The following ATOX1 variants were observed in gnomAD, a reference collection of about 807,000 sequenced individuals.
ATOX1 encodes the protein copper transport protein ATOX1.
A neutral mutation model predicts 7.3 loss-of-function variants in ATOX1; 4 were observed. The ratio of observed to expected loss-of-function variants is 0.55; its 90% CI spans 0.27 to 1.25. The LOEUF (loss-of-function observed/expected upper bound fraction) is 1.25. Ranked by LOEUF, ATOX1 falls within the 50% of genes most tolerant of loss-of-function variation. ATOX1 has a pLI of 0.12. For missense variants in ATOX1, 68 were observed against 81.6 expected (o/e 0.83, Z 0.64); for synonymous variants, 25 against 28.7 (o/e 0.87, Z 0.41).
chr5:151,751,054 C>T (rs1255077219), intron 2 of ATOX1, among the ~76,000 whole-genome samples: 1 of 151,776 alleles, frequency 6.6e-6, no homozygotes, highest in African/African-American at 2.4e-5. Context: ...GTCAGGGGTT[C>T]GAGACCAGCC....
chr5:151,746,930 T>C (rs780637362), intron 2 of ATOX1, among the ~76,000 whole-genome samples: 1 of 152,072 alleles, frequency 6.6e-6, no homozygotes, highest in Non-Finnish European at 1.5e-5. Context: ...GACAGGGTTT[T>C]GTCATGTTGC....
At chr5:151,746,252 T>C in intron 3 of ATOX1, 27 bp downstream of exon 3, 1 of 1,587,328 alleles carries the variant, frequency 6.3e-7, no homozygotes, top group Non-Finnish European at 8.6e-7. Context: ...TGTAGGTTTG[T>C]TCAGCAAGTG....
At chr5:151,750,031 T>C (rs1221651140) in intron 2 of ATOX1, among the ~76,000 whole-genome samples, 1 of 152,170 alleles carries the variant, frequency 6.6e-6, no homozygotes, top group East Asian at 1.9e-4. Flanking sequence ...TTATTTAGGG[T>C]TTTAAAAAAG....
chr5:151,758,523 G>A (rs1182788247), intron 1 of ATOX1, 23 bp downstream of exon 1: 1 of 1,474,276 alleles, frequency 6.8e-7, no homozygotes, highest in South Asian at 1.3e-5. Context: ...AGTCTGCGTG[G>A]CGGGGACGGC....
intron 2 of ATOX1, among the ~76,000 whole-genome samples, chr5:151,749,359 C>A (rs6887874): frequency 4.9e-4 from 74 of 152,110 alleles, no homozygotes; most frequent in African/African-American, 1.8e-3. Context: ...GTGGCCTGAG[C>A]CTGTAATCCC....
rs1396648711 is a variant in ATOX1 at position 151,746,237 on chromosome 5, T to A, written c.*46+42A>T. ...AAGGTGTTCGCTCTGATGAGAGGTG[T>A]GAGCTGTAGGTTTGTTCAGCAAGTG... On this transcript the variant is annotated intron_variant, in intron 3 of 3. Transcript: ENST00000313115. The A allele has an allele frequency of 3.2e-6, 5 of 1,551,616 alleles. No individual in the cohort carries two copies. In the African/African-American group the frequency reaches 5.4e-5, roughly 17 times the overall value.
intron 1 of ATOX1, among the ~76,000 whole-genome samples, chr5:151,755,910 G>C (rs1376869953): frequency 6.8e-6 from 1 of 147,994 alleles, no homozygotes; most frequent in Non-Finnish European, 1.5e-5. Flanking sequence ...TTTAAAGTAG[G>C]TTTTTAAAGT....
At chr5:151,757,869 C>T (rs909365453) in intron 1 of ATOX1, among the ~76,000 whole-genome samples, 1 of 152,166 alleles carries the variant, frequency 6.6e-6, no homozygotes, top group Non-Finnish European at 1.5e-5. Flanking sequence ...AACGAGGCCA[C>T]GAGCAACAAT....
intron 2 of ATOX1, among the ~76,000 whole-genome samples, chr5:151,750,980 C>T (rs1184760564): frequency 1.3e-5 from 2 of 151,904 alleles, no homozygotes; most frequent in African/African-American, 4.8e-5. Flanking sequence ...ATAGAGGCTG[C>T]GTAGGGTGGC....
intron 1 of ATOX1, 150 bp downstream of exon 1, chr5:151,758,396 G>A: frequency 7.8e-7 from 1 of 1,275,680 alleles, no homozygotes; most frequent in South Asian, 2.1e-5. Context: ...GGTCGCAAAA[G>A]CTGGGGGCTG....
Position 151,758,541 on chromosome 5 carries a change from C to T in ATOX1, c.6+5G>A, listed in dbSNP as rs2113190638. 2 of 1,458,828 alleles carry T rather than the reference C, an allele frequency of 1.4e-6. No homozygotes were observed. Among genetic ancestry groups the T allele is most frequent in the Middle Eastern group, 1.8e-4 (1 of 5,436 alleles). The allele number at this position is 1,458,828 out of a possible 1,614,324, so 90.4% of individuals were successfully genotyped here. ...CTGCGTGGCGGGGACGGCGCAACCA[C>T]TCACCGGCATGACTGAGGCAGCGGC... On this transcript the variant is annotated splice_donor_5th_base_variant and intron_variant, in intron 1 of 3. Coordinates refer to ENST00000313115, the MANE Select transcript of ATOX1 (RefSeq NM_004045.4).
At chr5:151,746,573 T>C (rs1761881950) in intron 2 of ATOX1, 124 bp from the exon 3 acceptor site, 1 of 1,301,354 alleles carries the variant, frequency 7.7e-7, no homozygotes, top group South Asian at 1.4e-5. Context: ...AGAGCAGGGA[T>C]CGGCAAACTT....
intron 2 of ATOX1, among the ~76,000 whole-genome samples, chr5:151,750,521 A>C (rs895988099): frequency 2.6e-5 from 4 of 151,730 alleles, no homozygotes; most frequent in African/African-American, 9.7e-5. Context: ...AAAAAAAAAA[A>C]AAAAAAATCT....
At chr5:151,751,449 G>A (rs1761947531) in intron 2 of ATOX1, among the ~76,000 whole-genome samples, 1 of 151,666 alleles carries the variant, frequency 6.6e-6, no homozygotes, top group South Asian at 2.1e-4. Flanking sequence ...GTTATTTAAT[G>A]TTTCTGAACT....
intron 1 of ATOX1, among the ~76,000 whole-genome samples, chr5:151,755,385 T>C (rs1581559402): frequency 6.6e-6 from 1 of 152,328 alleles, no homozygotes; most frequent in East Asian, 1.9e-4. Context: ...GTTCACTAGG[T>C]AGCTTGCAGT....
At chr5:151,753,099 G>A (rs1023326142) in intron 1 of ATOX1, among the ~76,000 whole-genome samples, 2 of 152,150 alleles carry the variant, frequency 1.3e-5, no homozygotes, top group Non-Finnish European at 2.9e-5. Flanking sequence ...AGAAATTCCA[G>A]CAACCACAAG....
At chr5:151,758,443 G>A (rs964341279) in intron 1 of ATOX1, 103 bp downstream of exon 1, 14 of 1,359,738 alleles carry the variant, frequency 1.0e-5, no homozygotes, top group Non-Finnish European at 1.3e-5. Flanking sequence ...GGCTCCGGCC[G>A]CCGCCTGAGC....
intron 1 of ATOX1, among the ~76,000 whole-genome samples, chr5:151,758,316 G>A (rs1013176560): frequency 2.6e-4 from 40 of 152,256 alleles, no homozygotes; most frequent in African/African-American, 8.2e-4. Flanking sequence ...CGCCCCTGGA[G>A]GCCTTCCAGC....
intron 2 of ATOX1, among the ~76,000 whole-genome samples, chr5:151,751,166 G>T (rs1165038754): frequency 6.7e-6 from 1 of 148,720 alleles, no homozygotes; most frequent in African/African-American, 2.5e-5. Context: ...TGAGGCAAGA[G>T]AATTGCTTGA....
Sources: allele counts gnomAD v4.1 joint callset (sites outside exome capture counted in the v4.1 genomes callset), GRCh38; gene constraint gnomAD v4.1.1; transcripts MANE v1.5; gene names NCBI Gene and HGNC (gene_info 2026-07-23, HGNC 2026-07-21).